Variants in MARCHF10 observed in about 807,000 individuals in gnomAD.
The protein encoded by MARCHF10 is membrane associated ring-CH-type finger 10.
In MARCHF10, 64 loss-of-function variants were observed where a neutral mutation model predicts 76.2. That is an observed-to-expected ratio of 0.84 (90% confidence interval 0.69 to 1.03). MARCHF10 has a LOEUF of 1.03. Ranked by LOEUF, MARCHF10 falls within the 50% of genes least tolerant of loss-of-function variation. The pLI, the probability that MARCHF10 is intolerant of heterozygous loss-of-function variation, is 0.00. For synonymous variants in MARCHF10, 340 were observed against 357.5 expected, an observed-to-expected ratio of 0.95 and a Z score of 0.55; for missense variants, 875 against 958.0, an observed-to-expected ratio of 0.91 and a Z score of 1.14.
At chr17:62,737,402 G>T in intron 5 of MARCHF10, 70 bp from the exon 6 acceptor site, 1 of 1,443,946 alleles carries the variant, frequency 6.9e-7, no homozygotes, top group Non-Finnish European at 9.5e-7. Flanking sequence ...CTAGCACCAA[G>T]TGCAAAATTG....
At chr17:62,772,931 TACTC>T (rs1172779403) in intron 3 of MARCHF10, among the ~76,000 whole-genome samples, 2 of 152,226 alleles carry the variant, frequency 1.3e-5, no homozygotes, top group Admixed American at 6.5e-5. Flanking sequence ...GCATGTATAT[TACTC>T]AATCACAACT....
At chr17:62,801,334 T>C (rs1312363149) in intron 2 of MARCHF10, among the ~76,000 whole-genome samples, 1 of 152,096 alleles carries the variant, frequency 6.6e-6, no homozygotes, top group Non-Finnish European at 1.5e-5. Context: ...TTTGTATTTT[T>C]TGTAGAGACA....
intron 2 of MARCHF10, among the ~76,000 whole-genome samples, chr17:62,792,313 A>C (rs765246872): frequency 6.6e-6 from 1 of 152,048 alleles, no homozygotes; most frequent in Non-Finnish European, 1.5e-5. Flanking sequence ...CCACTTTCTA[A>C]CATAGTGACC....
intron 3 of MARCHF10, among the ~76,000 whole-genome samples, chr17:62,777,341 A>C (rs536635542): frequency 1.0e-3 from 154 of 152,338 alleles, no homozygotes; most frequent in Non-Finnish European, 1.9e-3. Context: ...AACACCTGGG[A>C]GTTAACACTC....
intron 2 of MARCHF10, among the ~76,000 whole-genome samples, chr17:62,800,311 C>T (rs1015514091): frequency 7.9e-5 from 12 of 152,296 alleles, no homozygotes; most frequent in South Asian, 6.2e-4. Flanking sequence ...TTGATTTTTT[C>T]CTACATGCCT....
chr17:62,764,076 T>C (rs2092272811), intron 3 of MARCHF10, among the ~76,000 whole-genome samples: 1 of 152,098 alleles, frequency 6.6e-6, no homozygotes, highest in Non-Finnish European at 1.5e-5. Context: ...TGAAAACGCA[T>C]GGGTTGAGAA....
chr17:62,780,056 C>T (rs955175094), intron 3 of MARCHF10, among the ~76,000 whole-genome samples: 12 of 151,660 alleles, frequency 7.9e-5, no homozygotes, highest in African/African-American at 2.4e-4. Context: ...GAGATCTCAC[C>T]GTTGCACTCC....
chr17:62,786,496 C>T (rs954948581), intron 3 of MARCHF10, among the ~76,000 whole-genome samples: 1 of 152,040 alleles, frequency 6.6e-6, no homozygotes, highest in East Asian at 1.9e-4. Context: ...CAAACCTGCA[C>T]GTTGTGCACA....
intron 6 of MARCHF10, among the ~76,000 whole-genome samples, chr17:62,728,516 A>G (rs1382003150): frequency 6.6e-6 from 1 of 152,186 alleles, no homozygotes; most frequent in African/African-American, 2.4e-5. Context: ...TGTGGAAACC[A>G]CCAGCATGAA....
chr17:62,762,081 C>A (rs4644910), intron 3 of MARCHF10, among the ~76,000 whole-genome samples: 152,323 of 152,332 alleles, frequency 1, 76,157 homozygotes, highest in Middle Eastern at 1. Context: ...AGCTCATCTT[C>A]GCGGATCCAT....
chr17:62,792,971 CACCACCACCTCCATCACT>C (rs1598053380), intron 2 of MARCHF10, among the ~76,000 whole-genome samples: 2 of 149,052 alleles, frequency 1.3e-5, no homozygotes, highest in South Asian at 2.2e-4. Flanking sequence ...CTCCATCAAC[CACCACCACCTCCATCACT>C]ACCACCACCT....
Position 62,736,636 on chromosome 17 carries a change from T to C in MARCHF10, c.1232A>G (p.Gln411Arg), listed in dbSNP as rs1180368105. The stretch of plus-strand genomic sequence containing the variant: ...ATTTTCAGCATTGACACCAACCTCT[T>C]GTCTGGGCTCGGATTTGGTGTCCCA... Reference protein sequence around the residue: ...LSWDTKSEPRQEVGVNAENVW... With the variant: ...LSWDTKSEPRREVGVNAENVW... Residue 411 changes from glutamine (Q) to arginine (R), a missense_variant, in exon 6 of 11, where the codon CAA (glutamine) becomes CGA (arginine). Physicochemically the swap from Gln to Arg is conservative, Grantham distance 43. Coordinates refer to ENST00000311269, the MANE Select transcript of MARCHF10 (RefSeq NM_152598.4). 6.2e-7 allele frequency: 1 copy of C among 1,614,058 alleles called. No individual in the cohort carries two copies. The highest frequency in any genetic ancestry group is 1.3e-5 in the African/African-American group (1 of 74,920).
rs1297943395 is a variant in MARCHF10, at chr17:62,732,307, G to C, written c.1937+3624C>G. The stretch of plus-strand genomic sequence containing the variant: ...GACTCTTCAAAAAAGTAGGGAAGGA[G>C]GCTTACATCATCGCATATCAAAAGT... On this transcript the variant is annotated intron_variant, in intron 6 of 10. Transcript: ENST00000311269. Among the ~76,000 whole-genome samples the C allele has an allele frequency of 3.9e-5, 6 of 152,144 alleles. No individual in the cohort carries two copies. In the East Asian group the frequency reaches 1.2e-3, roughly 29 times the overall value.
chr17:62,791,646 G>A lies in MARCHF10; in HGVS notation c.91-3047C>T, dbSNP rs576620101. On this transcript the variant is annotated intron_variant, in intron 2 of 10. Coordinates refer to ENST00000311269, the MANE Select transcript of MARCHF10 (RefSeq NM_152598.4). Reference sequence around the variant, plus strand: ...TGACAGAGCCAAGCAATCTTTCTACGTAAATCAAACATGAATCCTCTCAAA... The same window carrying A: ...TGACAGAGCCAAGCAATCTTTCTACATAAATCAAACATGAATCCTCTCAAA... Among the ~76,000 whole-genome samples, 24 of 152,276 alleles carry A rather than the reference G, an allele frequency of 1.6e-4. No individual in the cohort carries two copies. The Middle Eastern group carries it at 0.01, about 65-fold the overall frequency.
chr17:62,804,558 G>A (rs2093132843), intron 1 of MARCHF10, among the ~76,000 whole-genome samples: 1 of 152,170 alleles, frequency 6.6e-6, no homozygotes, highest in African/African-American at 2.4e-5. Flanking sequence ...CTTGGTGAGA[G>A]CATTCATTGG....
chr17:62,801,728 T>C lies in MARCHF10; in HGVS notation c.8A>G (p.His3Arg), dbSNP rs745790553. 18 of 1,613,938 alleles carry C rather than the reference T, an allele frequency of 1.1e-5. No individual in the cohort carries two copies. In the African/African-American group the frequency reaches 2.4e-4, roughly 22 times the overall value. Reference sequence around the variant, plus strand: ...GAACTTCTGCCTGTCCCTTGCGTCATGCAACATGATTCCTAATCCCTGACC... The same window carrying C: ...GAACTTCTGCCTGTCCCTTGCGTCACGCAACATGATTCCTAATCCCTGACC... ML[H>R]DARDRQKFFS... The change falls in exon 2 of 11, where the codon CAT becomes CGT. Residue 3 changes from histidine (H) to arginine (R), a missense_variant. Transcript: ENST00000311269.
chr17:62,742,879 C>T (rs1453550515), intron 5 of MARCHF10, among the ~76,000 whole-genome samples: 2 of 151,922 alleles, frequency 1.3e-5, no homozygotes, highest in East Asian at 1.9e-4. Context: ...AGTGATCTTC[C>T]ACCTCCGCCT....
At chr17:62,774,169 A>C (rs1485323429) in intron 3 of MARCHF10, among the ~76,000 whole-genome samples, 6 of 152,318 alleles carry the variant, frequency 3.9e-5, no homozygotes, top group African/African-American at 1.2e-4. Flanking sequence ...GTGATGATCC[A>C]GCGATTTTGG....
At chr17:62,721,103 A>G (rs1053952748) in intron 8 of MARCHF10, among the ~76,000 whole-genome samples, 1 of 152,046 alleles carries the variant, frequency 6.6e-6, no homozygotes, top group African/African-American at 2.4e-5. Flanking sequence ...TCCTGACTTC[A>G]AGTGATCCGC....
Sources: allele counts gnomAD v4.1 joint callset (sites outside exome capture counted in the v4.1 genomes callset), GRCh38; gene constraint gnomAD v4.1.1; transcripts MANE v1.5; gene names NCBI Gene and HGNC (gene_info 2026-07-23, HGNC 2026-07-21).